ANKRD55: variants seen among roughly 807,000 people sequenced by gnomAD.
The protein encoded by ANKRD55 is ankyrin repeat domain 55, also known as ankyrin repeat domain-containing protein 55.
In ANKRD55, 41 loss-of-function variants were observed where a neutral mutation model predicts 60.6. The observed-to-expected ratio is 0.68, with a 90% CI of 0.53 to 0.88. ANKRD55 has a LOEUF of 0.88. Ranked by LOEUF, ANKRD55 falls within the 40% of genes least tolerant of loss-of-function variation. The probability of loss-of-function intolerance (pLI) is 0.00; values close to 1 mark genes in which losing one functional copy is unlikely to be tolerated. For synonymous variants in ANKRD55, 264 were observed against 290.3 expected (o/e 0.91, Z 0.92); for missense variants, 732 against 767.6 (o/e 0.95, Z 0.55).
intron 7 of ANKRD55, 107 bp from the exon 8 acceptor site, chr5:56,127,213 A>G: frequency 1.5e-6 from 2 of 1,339,908 alleles, no homozygotes; most frequent in South Asian, 5.1e-5. Flanking sequence ...GAAAGAAAGA[A>G]AGAAAAAAGA....
intron 7 of ANKRD55, among the ~76,000 whole-genome samples, chr5:56,136,604 A>G (rs1357916997): frequency 6.6e-6 from 1 of 152,140 alleles, no homozygotes; most frequent in African/African-American, 2.4e-5. Flanking sequence ...TTGACTCAAA[A>G]CTGATCACAG....
intron 2 of ANKRD55, among the ~76,000 whole-genome samples, chr5:56,212,988 A>T (rs1759713560): frequency 6.6e-6 from 1 of 152,262 alleles, no homozygotes; most frequent in Non-Finnish European, 1.5e-5. Context: ...ATCATAATTT[A>T]AATGAGAAAA....
chr5:56,138,131 T>TC (rs1470825406), intron 7 of ANKRD55, among the ~76,000 whole-genome samples: 33 of 148,940 alleles, frequency 2.2e-4, no homozygotes, highest in African/African-American at 4.9e-4. Flanking sequence ...CTTTTTCTTT[T>TC]TTTTTTTTTT....
chr5:56,188,108 A>G (rs1000374636), intron 2 of ANKRD55, among the ~76,000 whole-genome samples: 15 of 152,284 alleles, frequency 9.9e-5, no homozygotes, highest in African/African-American at 3.6e-4. Flanking sequence ...GGTCAGGGGC[A>G]GAACATGTGG....
chr5:56,220,050 G>C (rs1353173815), intron 2 of ANKRD55, among the ~76,000 whole-genome samples: 1 of 152,228 alleles, frequency 6.6e-6, no homozygotes, highest in African/African-American at 2.4e-5. Flanking sequence ...TGAGCTGAGG[G>C]AGAGCCTCCT....
At chr5:56,128,122 C>G (rs1757323464) in intron 7 of ANKRD55, among the ~76,000 whole-genome samples, 1 of 152,142 alleles carries the variant, frequency 6.6e-6, no homozygotes, top group African/African-American at 2.4e-5. Flanking sequence ...TCAAGAGACA[C>G]TTTTCTTTAA....
chr5:56,166,203 CTCTCTCTCTCTCTCT>C (rs1758478808), intron 5 of ANKRD55, among the ~76,000 whole-genome samples: 5 of 84,624 alleles, frequency 5.9e-5, no homozygotes, highest in African/African-American at 1.8e-4. Flanking sequence ...CCTTCCTTCT[CTCTCTCTCTCTCTCT>C]TTCTTTCTTT....
intron 6 of ANKRD55, among the ~76,000 whole-genome samples, chr5:56,156,282 A>G (rs968404492): frequency 1.3e-5 from 2 of 152,240 alleles, no homozygotes; most frequent in Non-Finnish European, 2.9e-5. Context: ...TTAAAACCCA[A>G]CGGGTCCATA....
chr5:56,226,297 G>A (rs1581034174), intron 2 of ANKRD55, among the ~76,000 whole-genome samples: 1 of 152,142 alleles, frequency 6.6e-6, no homozygotes, highest in Admixed American at 6.5e-5. Context: ...AGCTGACACT[G>A]GATCCCTTCC....
At chr5:56,181,657 C>G (rs1390646872) in intron 3 of ANKRD55, among the ~76,000 whole-genome samples, 2 of 152,182 alleles carry the variant, frequency 1.3e-5, no homozygotes, top group African/African-American at 4.8e-5. Flanking sequence ...GTAGTGCGAT[C>G]TCGGCTCACT....
At chr5:56,203,604 C>T (rs973129760) in intron 2 of ANKRD55, among the ~76,000 whole-genome samples, 7 of 152,088 alleles carry the variant, frequency 4.6e-5, no homozygotes, top group East Asian at 3.9e-4. Flanking sequence ...TTTGTCCTTT[C>T]GATAGTTTGC....
intron 8 of ANKRD55, among the ~76,000 whole-genome samples, chr5:56,121,460 C>CCT (rs1402958980): frequency 3.3e-5 from 5 of 151,268 alleles, no homozygotes; most frequent in Non-Finnish European, 2.9e-5. Context: ...GCAACCTCCG[C>CCT]CCCTGGGGTT....
chr5:56,198,749 T>C lies in ANKRD55; in HGVS notation c.59-15115A>G, dbSNP rs72749952. ...GGGAGACAACCTGTGATAGATCCTATGCTAAATGTTAATGTTACCTCTGTT... is the reference window on the plus strand; with the variant it reads ...GGGAGACAACCTGTGATAGATCCTACGCTAAATGTTAATGTTACCTCTGTT... On this transcript the variant is annotated intron_variant, in intron 2 of 11. Coordinates refer to ENST00000341048, the MANE Select transcript of ANKRD55 (RefSeq NM_024669.3). 3.9e-3 allele frequency among the ~76,000 whole-genome samples: 598 copies of C among 152,202 alleles called. 3 individuals carry two copies. Among genetic ancestry groups the C allele is most frequent in the Middle Eastern group, 0.031 (9 of 294 alleles).
intron 3 of ANKRD55, among the ~76,000 whole-genome samples, chr5:56,183,263 A>C (rs912725182): frequency 1.3e-5 from 2 of 152,174 alleles, no homozygotes; most frequent in African/African-American, 2.4e-5. Context: ...CATTGCTACC[A>C]AAAGTAGCCT....
intron 8 of ANKRD55, among the ~76,000 whole-genome samples, chr5:56,121,221 G>C (rs1045287324): frequency 6.6e-6 from 1 of 152,052 alleles, no homozygotes; most frequent in Non-Finnish European, 1.5e-5. Context: ...AGTGGGGTGG[G>C]GGGCTTTAAA....
intron 7 of ANKRD55, chr5:56,137,100 T>C: frequency 9.2e-7 from 1 of 1,082,586 alleles, no homozygotes; most frequent in South Asian, 1.2e-5. Flanking sequence ...TAGGCATATA[T>C]GAAAAGCCAC....
intron 2 of ANKRD55, among the ~76,000 whole-genome samples, chr5:56,185,340 C>A (rs6898445): frequency 0.031 from 4,755 of 152,090 alleles, 267 homozygotes; most frequent in African/African-American, 0.11. Flanking sequence ...CAACTCACAC[C>A]GTTCCTCCCA....
chr5:56,152,668 A>G (rs1026513877), intron 6 of ANKRD55, among the ~76,000 whole-genome samples: 3 of 152,240 alleles, frequency 2.0e-5, no homozygotes, highest in African/African-American at 7.2e-5. Flanking sequence ...ACAAAGGACA[A>G]TCTGACCTAT....
chr5:56,153,948 A>C (rs1284955461), intron 6 of ANKRD55, among the ~76,000 whole-genome samples: 1 of 151,676 alleles, frequency 6.6e-6, no homozygotes, highest in Non-Finnish European at 1.5e-5. Context: ...GTGGTGGCTC[A>C]CACCTGTAAT....
Sources: allele counts gnomAD v4.1 joint callset (sites outside exome capture counted in the v4.1 genomes callset), GRCh38; gene constraint gnomAD v4.1.1; transcripts MANE v1.5; gene names NCBI Gene and HGNC (gene_info 2026-07-23, HGNC 2026-07-21).